Variants in FBN3 observed in about 807,000 individuals in gnomAD.
FBN3 encodes fibrillin-3.
In FBN3, 234 loss-of-function variants were observed where a neutral mutation model predicts 330.1. That is an observed-to-expected ratio of 0.71 (90% CI 0.64 to 0.79). The LOEUF (loss-of-function observed/expected upper bound fraction) is 0.79. Among genes scored for constraint, FBN3 ranks in the 30% least tolerant of loss-of-function variants. The pLI, the probability that FBN3 is intolerant of heterozygous loss-of-function variation, is 0.00. For missense variants in FBN3, 3,606 were observed against 3,886.9 expected, an observed-to-expected ratio of 0.93 and a Z score of 1.92; for synonymous variants, 1,458 against 1,517.3, an observed-to-expected ratio of 0.96 and a Z score of 0.91.
intron 30 of FBN3, among the ~76,000 whole-genome samples, chr19:8,113,281 C>T (rs1465224247): frequency 1.3e-5 from 2 of 151,880 alleles, no homozygotes; most frequent in African/African-American, 2.4e-5. Context: ...TTTTTTTTCC[C>T]CCTGAGGCAT....
At chr19:8,069,568 G>C (rs1273162235) in intron 63 of FBN3, among the ~76,000 whole-genome samples, 1 of 152,120 alleles carries the variant, frequency 6.6e-6, no homozygotes, top group Non-Finnish European at 1.5e-5. Context: ...GGCAGTCAGT[G>C]GGTATTGCAG....
In FBN3 at chr19:8,149,067, G is replaced by C. The variant is rs1410949338; in HGVS notation, c.-18+382C>G. Among the ~76,000 whole-genome samples the C allele has an allele frequency of 6.6e-6, 1 of 152,208 alleles. No homozygotes were observed. Among genetic ancestry groups the C allele is most frequent in the Admixed American group, 6.5e-5 (1 of 15,290 alleles). ...ATGAATGAGCAGAGAAGGCGCGCCC[G>C]GCACGGGGTGTGGAGGCTGAGGGCC... On this transcript the variant is annotated intron_variant, in intron 1 of 63. Coordinates refer to ENST00000600128, the MANE Select transcript of FBN3 (RefSeq NM_032447.5). The surrounding 1 kb of genome is among the most constrained non-coding windows in gnomAD (Gnocchi z 5.5).
intron 37 of FBN3, among the ~76,000 whole-genome samples, chr19:8,107,474 A>T (rs1599358003): frequency 7.0e-6 from 1 of 143,240 alleles, no homozygotes; most frequent in Non-Finnish European, 1.5e-5. Context: ...GTCGAGTGGA[A>T]GGATGGATGG....
chr19:8,145,802 TCCC>T, intron 5 of FBN3, 38 bp downstream of exon 5: 1 of 1,453,004 alleles, frequency 6.9e-7, no homozygotes, highest in Non-Finnish European at 9.4e-7. Context: ...GGGATCACAG[TCCC>T]AGGTGTGCAA....
chr19:8,094,678 C>A, intron 46 of FBN3, 113 bp from the exon 47 acceptor site: 13 of 1,246,626 alleles, frequency 1.0e-5, no homozygotes, highest in Non-Finnish European at 1.4e-5. Flanking sequence ...CCAGGACAAG[C>A]CCTCCCAGTG....
At chr19:8,103,366 G>C (rs1267036770) in intron 39 of FBN3, among the ~76,000 whole-genome samples, 196 bp downstream of exon 39, 1 of 149,138 alleles carries the variant, frequency 6.7e-6, no homozygotes, top group Non-Finnish European at 1.5e-5. Flanking sequence ...AGCCTTTTTT[G>C]AGCAGTGCAC....
chr19:8,085,128 A>G (rs1199932962), intron 56 of FBN3, among the ~76,000 whole-genome samples: 1 of 152,074 alleles, frequency 6.6e-6, no homozygotes, highest in Non-Finnish European at 1.5e-5. Flanking sequence ...ACACATACAC[A>G]CACATTGGCT....
intron 48 of FBN3, among the ~76,000 whole-genome samples, chr19:8,090,968 A>C (rs1281766945): frequency 6.6e-6 from 1 of 152,140 alleles, no homozygotes; most frequent in African/African-American, 2.4e-5. Context: ...GGCTCTGGAC[A>C]CCTATCAAGT....
intron 45 of FBN3, 30 bp downstream of exon 45, chr19:8,095,934 G>T: frequency 6.9e-7 from 1 of 1,442,210 alleles, no homozygotes; most frequent in Non-Finnish European, 9.8e-7. Context: ...AACCCACTTT[G>T]TGGCCAGCCT....
At chr19:8,097,449 C>A in intron 41 of FBN3, 35 bp from the exon 42 acceptor site, 1 of 1,566,056 alleles carries the variant, frequency 6.4e-7, no homozygotes, top group African/African-American at 1.3e-5. Flanking sequence ...GGCAGCCCAG[C>A]CCCCTGGGAC....
intron 57 of FBN3, among the ~76,000 whole-genome samples, chr19:8,081,806 C>A (rs1383884976): frequency 6.6e-6 from 1 of 152,102 alleles, no homozygotes; most frequent in Non-Finnish European, 1.5e-5. Flanking sequence ...CTAGAGTTTT[C>A]TTCCCGCTGA....
Position 8,117,502 on chromosome 19 carries a change from G to A in FBN3, c.3425C>T (p.Ala1142Val), listed in dbSNP as rs867707745. The A allele has an allele frequency of 6.4e-7, 1 of 1,559,854 alleles. No homozygotes were observed. Among genetic ancestry groups the A allele is most frequent in the Non-Finnish European group, 8.7e-7 (1 of 1,151,482 alleles). The change falls in exon 27 of 64, where the codon GCC becomes GTC. Residue 1142 changes from alanine (A) to valine (V), a missense_variant. Physicochemically the swap from Ala to Val is moderately conservative, Grantham distance 64. Coordinates refer to ENST00000600128, the MANE Select transcript of FBN3 (RefSeq NM_032447.5). ...VIGAFQCSCHAGFQSTPDRQG... is the reference protein window; with the variant it reads ...VIGAFQCSCHVGFQSTPDRQG... ...GCGGTCAGGTGTGCTCTGGAAGCCG[G>A]CATGGCAGGAGCACTGGAAGGCACC...
At chr19:8,066,405 G>A (rs1047216703) in intron 63 of FBN3, 145 bp from the exon 64 acceptor site, 30 of 655,318 alleles carry the variant, frequency 4.6e-5, no homozygotes, top group Middle Eastern at 7.5e-4. Context: ...ATGAAATCAT[G>A]CCATTTGCAG....
rs769039674 is a variant in FBN3 at position 8,142,124 on chromosome 19, T to A, written c.555A>T (p.Gly185=). 7 of 1,609,568 alleles carry A rather than the reference T, an allele frequency of 4.3e-6. No individual in the cohort carries two copies. The highest frequency in any genetic ancestry group is 1.3e-5 in the African/African-American group (1 of 74,832). ...GPQCERDYRT[G]PCFGQVGPEG... ...CGGGGCCTACTTGGCCAAAGCAGGG[T>A]CCCGTCCGGTAATCTGCAGGGCAGA... Residue 185 remains glycine (G), a synonymous_variant, in exon 7 of 64, where the codon GGA becomes GGT. Coordinates refer to ENST00000600128, the MANE Select transcript of FBN3 (RefSeq NM_032447.5).
intron 42 of FBN3, 31 bp from the exon 43 acceptor site, chr19:8,097,037 G>A (rs755171703): frequency 1.9e-6 from 3 of 1,604,532 alleles, no homozygotes; most frequent in Non-Finnish European, 2.6e-6. Flanking sequence ...AGGTGGGGGT[G>A]ACAGAGAAGC....
rs562835987 is a variant in FBN3 at position 8,141,239 on chromosome 19, C to T, written c.865+478G>A. On this transcript the variant is annotated intron_variant, in intron 8 of 63. Transcript: ENST00000600128. ...AAAATTAGCTAGGCGTGGTGGCGTG[C>T]GCCTGTACTCCCAGCTACTTGGGAG... Among the ~76,000 whole-genome samples, 781 of 147,616 alleles carry T rather than the reference C, an allele frequency of 5.3e-3. 7 individuals carry two copies. Among genetic ancestry groups the T allele is most frequent in the African/African-American group, 0.019 (741 of 39,808 alleles).
intron 28 of FBN3, 53 bp downstream of exon 28, chr19:8,117,116 A>C (rs1599380702): frequency 6.2e-7 from 1 of 1,606,436 alleles, no homozygotes; most frequent in East Asian, 2.2e-5. Flanking sequence ...CCCAGCCAAC[A>C]CCTCCTCCTC....
At chr19:8,105,959 G>T in intron 38 of FBN3, 149 bp downstream of exon 38, 1 of 875,568 alleles carries the variant, frequency 1.1e-6, no homozygotes, top group Non-Finnish European at 1.7e-6. Flanking sequence ...CAGCAAGAGA[G>T]AACTGACAGA....
intron 26 of FBN3, 118 bp downstream of exon 26, chr19:8,118,779 A>T: frequency 7.6e-7 from 1 of 1,313,284 alleles, no homozygotes; most frequent in South Asian, 1.3e-5. Flanking sequence ...GTATGGCCTC[A>T]GAAAGACAGA....
Sources: gnomAD v4.1 joint callset for allele counts (sites outside exome capture counted in the v4.1 genomes callset) on GRCh38, gnomAD v4.1.1 for gene constraint, Gnocchi (gnomAD v3.1) non-coding constraint, MANE v1.5 for transcripts, NCBI Gene and HGNC (gene_info 2026-07-23, HGNC 2026-07-21) for gene names.